Variants in MS4A15 observed in about 807,000 individuals in gnomAD.
The protein encoded by MS4A15 is membrane-spanning 4-domains subfamily A member 15.
In MS4A15, 22 loss-of-function variants were observed where a neutral mutation model predicts 20.6. The observed-to-expected ratio is 1.07, with a 90% CI of 0.76 to 1.52. MS4A15 has a LOEUF of 1.52. Among genes scored for constraint, MS4A15 ranks in the 40% most tolerant of loss-of-function variants. MS4A15 has a pLI of 0.00. For synonymous variants in MS4A15, 129 were observed against 129.3 expected (o/e 1.00, Z 0.02); for missense variants, 312 against 323.0 (o/e 0.97, Z 0.26).
In MS4A15 at chr11:60,760,239, G is replaced by A. The variant is rs370632912; in HGVS notation, c.-29+3181G>A. 1.2e-4 allele frequency among the ~76,000 whole-genome samples: 18 copies of A among 152,268 alleles called. No individual in the cohort carries two copies. In the East Asian group the frequency reaches 1.7e-3, roughly 15 times the overall value. On this transcript the variant is annotated intron_variant, in intron 1 of 6. Coordinates refer to ENST00000405633, the MANE Select transcript of MS4A15 (RefSeq NM_001098835.2). ...TTTGCAGACTCTCCTGCTTTTTTGC[G>A]AATTCAAGCTGATCATGCTTTTTTT...
chr11:60,760,627 C>CACTTTGGCTATGCATTGCA (rs1853714859), intron 1 of MS4A15, among the ~76,000 whole-genome samples: 1 of 152,178 alleles, frequency 6.6e-6, no homozygotes, highest in Non-Finnish European at 1.5e-5. Flanking sequence ...TCTTAGTGCT[C>CACTTTGGCTATGCATTGCA]ACTTTGGCTA....
At position 60,775,736 on chromosome 11, in the gene MS4A15, G is replaced by A. The variant is rs757792453; in HGVS notation, c.*21G>A. The A allele has an allele frequency of 1.1e-5, 18 of 1,592,718 alleles. No homozygotes were observed. The highest frequency in any genetic ancestry group is 8.4e-5 in the Admixed American group (5 of 59,630). ...TCTGAGTAGCAGATGTGGCACCTGC[G>A]GGTGGAGTCCAGCCTTTTCCCTCTG... On this transcript the variant is annotated 3_prime_UTR_variant, in exon 7 of 7. Coordinates refer to ENST00000405633, the MANE Select transcript of MS4A15 (RefSeq NM_001098835.2).
At chr11:60,769,947 C>G (rs949058742) in intron 3 of MS4A15, among the ~76,000 whole-genome samples, 7 of 152,208 alleles carry the variant, frequency 4.6e-5, no homozygotes, top group Non-Finnish European at 1.0e-4. Flanking sequence ...ACCGCTGACC[C>G]TGCGGTCTCC....
At chr11:60,759,438 G>T (rs1853676026) in intron 1 of MS4A15, among the ~76,000 whole-genome samples, 2 of 152,258 alleles carry the variant, frequency 1.3e-5, no homozygotes. Context: ...GAAAGCCTGG[G>T]TGTTGTCCAA....
rs147522326 is a variant in MS4A15, at chr11:60,763,707, C to T, written c.-27C>T. On this transcript the variant is annotated splice_region_variant and 5_prime_UTR_variant, in exon 2 of 7. Coordinates refer to ENST00000405633, the MANE Select transcript of MS4A15 (RefSeq NM_001098835.2). Reference sequence around the variant, plus strand: ...TCATTGCCATTATTATCTCCCAAGCCTTTGTTTCCCAGGCTCTCTGAGCAC... The same window carrying T: ...TCATTGCCATTATTATCTCCCAAGCTTTTGTTTCCCAGGCTCTCTGAGCAC... 2.2e-4 allele frequency: 350 copies of T among 1,610,184 alleles called. No homozygotes were observed. In the African/African-American group the frequency reaches 4.4e-3, roughly 20 times the overall value.
intron 1 of MS4A15, 144 bp from the exon 2 acceptor site, chr11:60,763,562 T>G: frequency 1.5e-6 from 1 of 662,226 alleles, no homozygotes; most frequent in Non-Finnish European, 2.5e-6. Context: ...CTTCTCTGAG[T>G]CTCAGCTTCC....
intron 3 of MS4A15, among the ~76,000 whole-genome samples, chr11:60,768,874 C>T (rs1853950403): frequency 6.6e-6 from 1 of 152,174 alleles, no homozygotes; most frequent in Non-Finnish European, 1.5e-5. Context: ...CTTTCTTCCC[C>T]TGCCCAGGCT....
chr11:60,775,919 C>A lies in MS4A15; in HGVS notation c.*204C>A, dbSNP rs912321718. On this transcript the variant is annotated 3_prime_UTR_variant, in exon 7 of 7. Coordinates refer to ENST00000405633, the MANE Select transcript of MS4A15 (RefSeq NM_001098835.2). ...CCAGTGCTTTCTTTCTAAAAGACAC[C>A]GGGCTGACGTCAGGGGTGTGTGTCC... 8 of 485,512 alleles carry A rather than the reference C, an allele frequency of 1.6e-5. No homozygotes were observed. Among genetic ancestry groups the A allele is most frequent in the African/African-American group, 1.3e-4 (7 of 52,098 alleles). The allele number at this position is 485,512 out of a possible 1,614,324, so 30.1% of individuals were successfully genotyped here.
chr11:60,767,769 C>G (rs1164433417), intron 3 of MS4A15, 114 bp downstream of exon 3: 1 of 1,245,800 alleles, frequency 8.0e-7, no homozygotes, highest in Non-Finnish European at 1.1e-6. Context: ...AGGTGGGGGC[C>G]TGGAGGCACT....
At chr11:60,775,580 A>ACG in intron 6 of MS4A15, 25 bp from the exon 7 acceptor site, 1 of 1,598,692 alleles carries the variant, frequency 6.3e-7, no homozygotes, top group Non-Finnish European at 8.6e-7. Context: ...GTCCTCCAGG[A>ACG]CGCTCAGTGC....
intron 2 of MS4A15, among the ~76,000 whole-genome samples, chr11:60,766,249 C>G (rs960002653): frequency 2.6e-5 from 4 of 152,162 alleles, no homozygotes; most frequent in South Asian, 2.1e-4. Flanking sequence ...GGTGTGGTGG[C>G]AGGCACCTGT....
chr11:60,767,425 A>G, intron 2 of MS4A15, 108 bp from the exon 3 acceptor site: 1 of 1,304,850 alleles, frequency 7.7e-7, no homozygotes, highest in Non-Finnish European at 1.0e-6. Flanking sequence ...TTTCTTTCCC[A>G]GTGGCCAACA....
chr11:60,760,877 T>C lies in MS4A15; in HGVS notation c.-28-2829T>C, dbSNP rs149075826. 2.7e-3 allele frequency among the ~76,000 whole-genome samples: 415 copies of C among 152,248 alleles called. 3 individuals are homozygous for C. Among genetic ancestry groups the C allele is most frequent in the Middle Eastern group, 0.01 (3 of 294 alleles). ...CATTACCTGGGGACAGCTAAAGAAATTGGATCAACAGGCAACTATCCGGCT... is the reference window on the plus strand; with the variant it reads ...CATTACCTGGGGACAGCTAAAGAAACTGGATCAACAGGCAACTATCCGGCT... On this transcript the variant is annotated intron_variant, in intron 1 of 6. Transcript: ENST00000405633.
chr11:60,772,397 CAGGACTAGAAGCG>C (rs1470596486), intron 4 of MS4A15, among the ~76,000 whole-genome samples: 1 of 152,138 alleles, frequency 6.6e-6, no homozygotes, highest in Non-Finnish European at 1.5e-5. Flanking sequence ...TGTGGAGGGG[CAGGACTAGAAGCG>C]AGGACTCTCC....
chr11:60,772,247 C>T (rs1189234083), intron 4 of MS4A15, among the ~76,000 whole-genome samples: 1 of 152,036 alleles, frequency 6.6e-6, no homozygotes, highest in African/African-American at 2.4e-5. Context: ...AGGGAGAGGC[C>T]GGGGAGGTGA....
At chr11:60,767,686 AG>A in intron 3 of MS4A15, 31 bp downstream of exon 3, 1 of 1,517,710 alleles carries the variant, frequency 6.6e-7, no homozygotes. Flanking sequence ...GAGGGAGGGT[AG>A]GGGGATGCTG....
chr11:60,774,200 C>G (rs1854125784), intron 6 of MS4A15, among the ~76,000 whole-genome samples: 2 of 152,028 alleles, frequency 1.3e-5, no homozygotes, highest in Admixed American at 6.5e-5. Context: ...TCTCTTGAGC[C>G]CTGGAGTTTG....
chr11:60,759,001 C>T lies in MS4A15; in HGVS notation c.-29+1943C>T, dbSNP rs1037484154. On this transcript the variant is annotated intron_variant, in intron 1 of 6. Coordinates refer to ENST00000405633, the MANE Select transcript of MS4A15 (RefSeq NM_001098835.2). The stretch of plus-strand genomic sequence containing the variant: ...AACATAGTTAGTGATTCCGCTTATG[C>T]GGTGTGTAGTATTACTCATTTAGAT... Among the ~76,000 whole-genome samples the T allele has an allele frequency of 5.9e-5, 9 of 152,204 alleles. No homozygotes were observed. In the South Asian group the frequency reaches 6.2e-4, roughly 11 times the overall value.
rs561340317 is a variant in MS4A15, at chr11:60,776,075, G to A, written c.*360G>A. ...AGGCCTGCCCTGACCCTCGGGCCTC[G>A]GGAAGGTCAGAGAGCCCGGAATCCT... On this transcript the variant is annotated 3_prime_UTR_variant, in exon 7 of 7. Coordinates refer to ENST00000405633, the MANE Select transcript of MS4A15 (RefSeq NM_001098835.2). The A allele has an allele frequency of 1.6e-4, 27 of 173,532 alleles. No individual in the cohort carries two copies. Among genetic ancestry groups the A allele is most frequent in the African/African-American group, 2.3e-4 (10 of 42,690 alleles). The allele number at this position is 173,532 out of a possible 1,614,324, so 10.7% of individuals were successfully genotyped here. A position where few individuals can be genotyped will look rare whatever the true frequency, so the allele number is the denominator to read the frequency against.
Sources: gnomAD v4.1 joint callset for allele counts (sites outside exome capture counted in the v4.1 genomes callset) on GRCh38, gnomAD v4.1.1 for gene constraint, MANE v1.5 for transcripts, NCBI Gene and HGNC (gene_info 2026-07-23, HGNC 2026-07-21) for gene names.